The following OXR1 variants were observed in gnomAD, a reference collection of about 807,000 sequenced individuals.
OXR1 encodes oxidation resistance protein 1.
A neutral mutation model predicts 104.6 loss-of-function variants in OXR1; 41 were observed. The ratio of observed to expected loss-of-function variants is 0.39; its 90% CI spans 0.31 to 0.51. The LOEUF (loss-of-function observed/expected upper bound fraction) is 0.51. Among genes scored for constraint, OXR1 ranks in the 20% least tolerant of loss-of-function variants. OXR1 has a pLI of 0.77. For missense variants in OXR1, 955 were observed against 1,031.9 expected (o/e 0.93, Z 1.02); for synonymous variants, 348 against 348.4 (o/e 1.00, Z 0.01).
intron 3 of OXR1, among the ~76,000 whole-genome samples, chr8:106,531,769 G>A (rs1029972951): frequency 6.6e-6 from 1 of 152,196 alleles, no homozygotes; most frequent in Non-Finnish European, 1.5e-5. Context: ...GGTACGTGGT[G>A]TGCTGTTTGG....
At chr8:106,517,533 G>T (rs1381672428) in intron 2 of OXR1, among the ~76,000 whole-genome samples, 3 of 151,916 alleles carry the variant, frequency 2.0e-5, no homozygotes, top group Non-Finnish European at 4.4e-5. Flanking sequence ...AAAATATATT[G>T]CCAGACATTT....
chr8:106,706,249 A>G (rs1034943932), intron 8 of OXR1, 133 bp from the exon 9 acceptor site: 1 of 550,186 alleles, frequency 1.8e-6, no homozygotes, highest in Non-Finnish European at 3.0e-6. Context: ...GATTTTTTAT[A>G]TTCTTTGGAG....
intron 1 of OXR1, among the ~76,000 whole-genome samples, chr8:106,277,905 G>C (rs954627223): frequency 1.3e-5 from 2 of 152,194 alleles, no homozygotes; most frequent in South Asian, 2.1e-4. Context: ...TGGAAAGGTG[G>C]AATATACTGG....
chr8:106,508,195 G>C (rs1189918861), intron 2 of OXR1, among the ~76,000 whole-genome samples: 1 of 152,192 alleles, frequency 6.6e-6, no homozygotes, highest in Non-Finnish European at 1.5e-5. Context: ...ATTAGGTTTA[G>C]AGAACATGTG....
intron 2 of OXR1, among the ~76,000 whole-genome samples, chr8:106,400,362 T>C (rs1195815126): frequency 6.6e-6 from 1 of 152,146 alleles, no homozygotes; most frequent in African/African-American, 2.4e-5. Flanking sequence ...AATCTTCCTG[T>C]AGCAAATCAA....
At chr8:106,576,918 G>T (rs1386785440) in intron 3 of OXR1, among the ~76,000 whole-genome samples, 16 of 152,136 alleles carry the variant, frequency 1.1e-4, no homozygotes, top group Non-Finnish European at 1.2e-4. Flanking sequence ...GCATATGAGA[G>T]TGGCATGTTT....
At chr8:106,399,866 G>T (rs1817930088) in intron 2 of OXR1, among the ~76,000 whole-genome samples, 1 of 152,104 alleles carries the variant, frequency 6.6e-6, no homozygotes, top group African/African-American at 2.4e-5. Flanking sequence ...CCTGAGTTTT[G>T]CTGTCTCTAT....
chr8:106,704,686 C>T (rs759339874), intron 8 of OXR1, among the ~76,000 whole-genome samples: 4 of 152,014 alleles, frequency 2.6e-5, no homozygotes, highest in Non-Finnish European at 5.9e-5. Context: ...GTGTGAGCCA[C>T]GATGCCTGGC....
At chr8:106,680,489 C>T (rs776934) in intron 4 of OXR1, among the ~76,000 whole-genome samples, 91,983 of 151,852 alleles carry the variant, frequency 0.61, 28,717 homozygotes, top group African/African-American at 0.76. Flanking sequence ...TCTCCTCCTT[C>T]CTCTATTTTG....
intron 12 of OXR1, among the ~76,000 whole-genome samples, chr8:106,738,085 A>C (rs1247455829): frequency 6.6e-6 from 1 of 152,208 alleles, no homozygotes; most frequent in Non-Finnish European, 1.5e-5. Context: ...TTAGGAGTAC[A>C]TTGGAATAGT....
chr8:106,708,249 C>T (rs111718158), intron 9 of OXR1, among the ~76,000 whole-genome samples: 46 of 151,912 alleles, frequency 3.0e-4, no homozygotes, highest in Non-Finnish European at 5.9e-5. Context: ...TACAAAAATT[C>T]GTCAGACATG....
chr8:106,362,799 G>A (rs1343228357), intron 2 of OXR1, among the ~76,000 whole-genome samples: 1 of 152,182 alleles, frequency 6.6e-6, no homozygotes, highest in Non-Finnish European at 1.5e-5. Flanking sequence ...TGGTAGCATG[G>A]ATAAGTAATT....
intron 2 of OXR1, among the ~76,000 whole-genome samples, chr8:106,375,768 A>G (rs1456869058): frequency 6.6e-6 from 1 of 152,198 alleles, no homozygotes; most frequent in African/African-American, 2.4e-5. Flanking sequence ...GAGTTTGGTT[A>G]AAAAGAAAAG....
chr8:106,694,750 A>G (rs1411432873), intron 7 of OXR1, among the ~76,000 whole-genome samples: 1 of 113,824 alleles, frequency 8.8e-6, no homozygotes, highest in African/African-American at 3.5e-5. Flanking sequence ...ATATTTATAT[A>G]TTAATATATA....
In OXR1 at chr8:106,749,629, A is replaced by G. The variant is rs7004729; in HGVS notation, c.2487-1177A>G. 2.8e-3 allele frequency among the ~76,000 whole-genome samples: 427 copies of G among 152,236 alleles called. 2 individuals carry two copies. The highest frequency in any genetic ancestry group is 9.8e-3 in the African/African-American group (406 of 41,562). On this transcript the variant is annotated intron_variant, in intron 16 of 16. Coordinates refer to ENST00000517566, the MANE Select transcript of OXR1 (RefSeq NM_001198533.2). ...GATCCCAGACCAGTTTTTTTCTTTC[A>G]ATGAAATATAACTGCCCATATTTTT...
At chr8:106,339,469 T>G (rs892846801) in intron 1 of OXR1, among the ~76,000 whole-genome samples, 3 of 111,000 alleles carry the variant, frequency 2.7e-5, no homozygotes, top group Non-Finnish European at 5.0e-5. Flanking sequence ...CACTCCAGCC[T>G]GGGAACAGAG....
At chr8:106,500,279 T>C (rs1363839571) in intron 2 of OXR1, among the ~76,000 whole-genome samples, 1 of 152,230 alleles carries the variant, frequency 6.6e-6, no homozygotes, top group South Asian at 2.1e-4. Context: ...AGACAGGCAG[T>C]CCGGCGCCAG....
Position 106,641,943 on chromosome 8 carries a change from A to T in OXR1, c.221-37267A>T, listed in dbSNP as rs576281734. Among the ~76,000 whole-genome samples, 238 of 150,730 alleles carry T rather than the reference A, an allele frequency of 1.6e-3. 2 individuals are homozygous for T. Among genetic ancestry groups the T allele is most frequent in the African/African-American group, 5.5e-3 (227 of 41,084 alleles). On this transcript the variant is annotated intron_variant, in intron 3 of 16. Coordinates refer to ENST00000517566, the MANE Select transcript of OXR1 (RefSeq NM_001198533.2). ...AAAGAGTAAGTTTAATGCCTATTTA[A>T]TTTTTTTTTTAAGAGATGGGGTCTT...
chr8:106,704,269 G>A (rs776943), intron 8 of OXR1, among the ~76,000 whole-genome samples: 23,833 of 151,704 alleles, frequency 0.16, 2,109 homozygotes, highest in Non-Finnish European at 0.2. Context: ...AGGTAAAAGA[G>A]TGAAGGATTA....
Sources: gnomAD v4.1 joint callset for allele counts (sites outside exome capture counted in the v4.1 genomes callset) on GRCh38, gnomAD v4.1.1 for gene constraint, MANE v1.5 for transcripts, NCBI Gene and HGNC (gene_info 2026-07-23, HGNC 2026-07-21) for gene names.